The following SKAP2 variants were observed in gnomAD, a reference collection of about 807,000 sequenced individuals.
The protein encoded by SKAP2 is src kinase associated phosphoprotein 2, also known as src kinase-associated phosphoprotein 2.
Under a neutral mutation model 54.9 loss-of-function variants are expected in SKAP2, and 28 were observed. That is an observed-to-expected ratio of 0.51 (90% CI 0.38 to 0.70). SKAP2 has a LOEUF of 0.70. Among genes scored for constraint, SKAP2 ranks in the 30% least tolerant of loss-of-function variants. The pLI, the probability that SKAP2 is intolerant of heterozygous loss-of-function variation, is 0.00. For synonymous variants in SKAP2, 137 were observed against 134.3 expected (o/e 1.02, Z -0.14); for missense variants, 356 against 424.1 (o/e 0.84, Z 1.41).
chr7:26,779,734 T>G (rs1024380851), intron 4 of SKAP2, among the ~76,000 whole-genome samples: 1 of 151,944 alleles, frequency 6.6e-6, no homozygotes, highest in African/African-American at 2.4e-5. Context: ...GAGGGAAAAA[T>G]TATTGAATTG....
chr7:26,795,716 C>T (rs1029833526), intron 4 of SKAP2, among the ~76,000 whole-genome samples: 2 of 152,120 alleles, frequency 1.3e-5, no homozygotes, highest in Non-Finnish European at 2.9e-5. Flanking sequence ...GAAGCAGGCA[C>T]CTATGAAGAG....
At chr7:26,795,870 C>T (rs774675610) in intron 4 of SKAP2, among the ~76,000 whole-genome samples, 26 of 152,158 alleles carry the variant, frequency 1.7e-4, no homozygotes, top group Non-Finnish European at 2.8e-4. Context: ...AATAGCAGTG[C>T]ATCAATTACA....
At chr7:26,720,139 T>A (rs1341588060) in intron 9 of SKAP2, among the ~76,000 whole-genome samples, 2 of 151,442 alleles carry the variant, frequency 1.3e-5, no homozygotes, top group Non-Finnish European at 2.9e-5. Context: ...TTGCCAAACA[T>A]ACTCTGGGGT....
At chr7:26,747,195 C>T (rs1782576492) in intron 4 of SKAP2, among the ~76,000 whole-genome samples, 3 of 152,132 alleles carry the variant, frequency 2.0e-5, no homozygotes, top group Admixed American at 6.6e-5. Flanking sequence ...CTATTACTTT[C>T]TTCAGAAGAG....
chr7:26,848,397 A>G (rs1784970832), intron 3 of SKAP2, among the ~76,000 whole-genome samples: 1 of 152,226 alleles, frequency 6.6e-6, no homozygotes. Context: ...GGAAAATTCC[A>G]TGCCTAACAT....
At chr7:26,746,112 T>C (rs1288000911) in intron 4 of SKAP2, among the ~76,000 whole-genome samples, 1 of 152,212 alleles carries the variant, frequency 6.6e-6, no homozygotes, top group Non-Finnish European at 1.5e-5. Context: ...TCTGTTTTGC[T>C]TCCACTATCC....
downstream of SKAP2, among the ~76,000 whole-genome samples, chr7:26,663,687 A>C (rs1786057978): frequency 6.6e-6 from 1 of 152,158 alleles, no homozygotes; most frequent in Non-Finnish European, 1.5e-5. Context: ...TATTTGAGAC[A>C]GAAGCAGCTG....
At chr7:26,820,043 C>T (rs892013145) in intron 4 of SKAP2, among the ~76,000 whole-genome samples, 3 of 151,924 alleles carry the variant, frequency 2.0e-5, no homozygotes, top group East Asian at 1.9e-4. Flanking sequence ...ATAAGCCTGG[C>T]GCACTGGCAC....
intron 4 of SKAP2, among the ~76,000 whole-genome samples, chr7:26,792,632 T>TC (rs1196184726): frequency 6.6e-6 from 1 of 152,226 alleles, no homozygotes; most frequent in African/African-American, 2.4e-5. Flanking sequence ...TAATATTTTA[T>TC]CATTTATAGA....
chr7:26,726,111 G>A, intron 7 of SKAP2, 125 bp from the exon 8 acceptor site: 1 of 621,136 alleles, frequency 1.6e-6, no homozygotes, highest in Non-Finnish European at 2.8e-6. Flanking sequence ...TTTCTTGCAA[G>A]GATGCTTCTT....
At chr7:26,657,740 C>G in the SKAP2 span, among the ~76,000 whole-genome samples, 1 of 140,778 alleles carries the variant, frequency 7.1e-6, no homozygotes, top group Non-Finnish European at 1.5e-5. Context: ...TCCCCGCCCC[C>G]CCCGCCCCAA....
the SKAP2 span, among the ~76,000 whole-genome samples, chr7:26,656,703 A>G: frequency 6.6e-6 from 1 of 152,250 alleles, no homozygotes; most frequent in African/African-American, 2.4e-5. Flanking sequence ...AGTAAAGAGC[A>G]GGTAACTGGG....
intron 4 of SKAP2, among the ~76,000 whole-genome samples, chr7:26,793,142 A>C (rs1783704442): frequency 6.6e-6 from 1 of 152,198 alleles, no homozygotes; most frequent in African/African-American, 2.4e-5. Flanking sequence ...TTCTAGGCTA[A>C]TGCTTCCCTA....
At chr7:26,744,688 C>T (rs928702450) in intron 4 of SKAP2, among the ~76,000 whole-genome samples, 7 of 151,920 alleles carry the variant, frequency 4.6e-5, no homozygotes, top group African/African-American at 1.7e-4. Flanking sequence ...CAGGGTCTTC[C>T]CTAACATTGA....
At chr7:26,754,760 C>T (rs1231906095) in intron 4 of SKAP2, among the ~76,000 whole-genome samples, 3 of 152,202 alleles carry the variant, frequency 2.0e-5, no homozygotes, top group African/African-American at 7.2e-5. Flanking sequence ...AACATCACAT[C>T]AAGAGCAGTT....
At chr7:26,772,118 G>A (rs1279517104) in intron 4 of SKAP2, among the ~76,000 whole-genome samples, 1 of 152,108 alleles carries the variant, frequency 6.6e-6, no homozygotes, top group Non-Finnish European at 1.5e-5. Context: ...GAGCTATAAA[G>A]GCAAATTTTT....
chr7:26,705,742 G>T (rs1440012715), intron 9 of SKAP2, among the ~76,000 whole-genome samples: 2 of 152,192 alleles, frequency 1.3e-5, no homozygotes, highest in African/African-American at 4.8e-5. Flanking sequence ...CTGGCTCCCA[G>T]ATGCTTCTTG....
chr7:26,817,567 C>T (rs1308707457), intron 4 of SKAP2, among the ~76,000 whole-genome samples: 3 of 152,118 alleles, frequency 2.0e-5, no homozygotes, highest in Admixed American at 2.0e-4. Flanking sequence ...CAGACAACAA[C>T]ATTAAGACTT....
At chr7:26,786,263 T>C (rs990871357) in intron 4 of SKAP2, among the ~76,000 whole-genome samples, 1 of 152,172 alleles carries the variant, frequency 6.6e-6, no homozygotes, top group Non-Finnish European at 1.5e-5. Flanking sequence ...CCAATATTCA[T>C]TAAAGATCCG....
Sources: gnomAD v4.1 joint callset for allele counts (sites outside exome capture counted in the v4.1 genomes callset) on GRCh38, gnomAD v4.1.1 for gene constraint, MANE v1.5 for transcripts, NCBI Gene and HGNC (gene_info 2026-07-23, HGNC 2026-07-21) for gene names.